The following FOXP2 variants were observed in gnomAD, a reference collection of about 807,000 sequenced individuals.
The protein encoded by FOXP2 is forkhead box P2.
Under a neutral mutation model 115.8 loss-of-function variants are expected in FOXP2, and 12 were observed. The observed-to-expected ratio is 0.10, with a 90% CI of 0.07 to 0.17. FOXP2 has a LOEUF of 0.17. FOXP2 is among the 10% of genes least tolerant of loss of function. FOXP2 has a pLI of 1.00. For missense variants in FOXP2, 629 were observed against 843.5 expected (o/e 0.75, Z 3.15); for synonymous variants, 328 against 297.7 (o/e 1.10, Z -1.05).
intron 1 of FOXP2, among the ~76,000 whole-genome samples, chr7:114,204,651 C>T (rs552305336): frequency 2.6e-5 from 4 of 152,144 alleles, no homozygotes; most frequent in East Asian, 3.8e-4. Context: ...TAAGGCATCA[C>T]GCACAATATT....
intron 1 of FOXP2, among the ~76,000 whole-genome samples, chr7:114,136,028 G>A (rs971135160): frequency 6.6e-6 from 1 of 151,986 alleles, no homozygotes; most frequent in Non-Finnish European, 1.5e-5. Flanking sequence ...GCCCAAACAA[G>A]ATACACCTAT....
At chr7:114,433,272 A>G (rs1453181976) in intron 2 of FOXP2, among the ~76,000 whole-genome samples, 1 of 151,994 alleles carries the variant, frequency 6.6e-6, no homozygotes, top group African/African-American at 2.4e-5. Flanking sequence ...AAATGTTTAC[A>G]TTGTTCTGGT....
intron 1 of FOXP2, among the ~76,000 whole-genome samples, chr7:114,194,704 G>A (rs530240795): frequency 3.3e-5 from 5 of 151,684 alleles, no homozygotes; most frequent in African/African-American, 4.8e-5. Context: ...CAGATACATA[G>A]CAAATTTAGT....
At chr7:114,118,239 A>G (rs1791462257) in intron 1 of FOXP2, among the ~76,000 whole-genome samples, 1 of 152,170 alleles carries the variant, frequency 6.6e-6, no homozygotes, top group Non-Finnish European at 1.5e-5. Flanking sequence ...CAGATTAGGA[A>G]TGAATTAATA....
intron 1 of FOXP2, among the ~76,000 whole-genome samples, chr7:114,418,759 A>G (rs990622484): frequency 1.3e-5 from 2 of 151,784 alleles, no homozygotes; most frequent in African/African-American, 4.8e-5. Flanking sequence ...TATATCTTTC[A>G]TGTTTAGTTA....
At chr7:114,414,523 G>C (rs1793252334), upstream of FOXP2, 1 of 153,104 alleles carries the variant, frequency 6.5e-6, no homozygotes, top group Non-Finnish European at 1.5e-5. Flanking sequence ...AGAAGCTGGA[G>C]AACTGTGATT....
At chr7:114,429,245 A>G (rs1434910563) in intron 2 of FOXP2, among the ~76,000 whole-genome samples, 1 of 151,492 alleles carries the variant, frequency 6.6e-6, no homozygotes, top group African/African-American at 2.4e-5. Context: ...TGTAACTAGC[A>G]TTTATTTCTA....
intron 1 of FOXP2, among the ~76,000 whole-genome samples, chr7:114,266,849 T>G (rs551180844): frequency 6.6e-6 from 1 of 152,240 alleles, no homozygotes. Context: ...CTTGTTCAGC[T>G]ATTAGTTCAT....
At chr7:114,192,173 G>GGCATGCACCACC (rs1213514297) in intron 1 of FOXP2, among the ~76,000 whole-genome samples, 18 of 41,836 alleles carry the variant, frequency 4.3e-4, no homozygotes, top group Non-Finnish European at 1.3e-3. Context: ...TTGTAGTAGA[G>GGCATGCACCACC]ACGGGGTTTC....
At chr7:114,248,796 G>A (rs939241487) in intron 1 of FOXP2, among the ~76,000 whole-genome samples, 1 of 152,050 alleles carries the variant, frequency 6.6e-6, no homozygotes, top group Non-Finnish European at 1.5e-5. Context: ...AACATTATAT[G>A]TTTTTACTGT....
chr7:114,134,817 T>C (rs2129146048), intron 1 of FOXP2, among the ~76,000 whole-genome samples: 1 of 152,332 alleles, frequency 6.6e-6, no homozygotes, highest in East Asian at 1.9e-4. Context: ...GAAAGTCTTA[T>C]ATCCAATACC....
chr7:114,139,631 CATT>C (rs1792148038), intron 1 of FOXP2, among the ~76,000 whole-genome samples: 1 of 152,070 alleles, frequency 6.6e-6, no homozygotes, highest in Non-Finnish European at 1.5e-5. Flanking sequence ...TCAGAATAAT[CATT>C]ATTTAACATC....
At chr7:114,185,069 T>G (rs1200429293) in intron 1 of FOXP2, among the ~76,000 whole-genome samples, 2 of 152,158 alleles carry the variant, frequency 1.3e-5, no homozygotes, top group East Asian at 1.9e-4. Context: ...AAAGAAACAT[T>G]TCAAGTCCTA....
At chr7:114,534,758 T>C (rs1269559070) in intron 3 of FOXP2, 52 bp downstream of exon 3, 3 of 1,411,926 alleles carry the variant, frequency 2.1e-6, no homozygotes, top group Admixed American at 1.7e-5. Flanking sequence ...ATGTTCATAA[T>C]GATAACAGAT....
chr7:114,363,859 C>G (rs1791812836), intron 2 of FOXP2, among the ~76,000 whole-genome samples: 1 of 152,170 alleles, frequency 6.6e-6, no homozygotes, highest in Admixed American at 6.5e-5. Context: ...GACAAGGGAG[C>G]AAACTTATCA....
At chr7:114,676,878 G>A (rs1461472401) in intron 16 of FOXP2, among the ~76,000 whole-genome samples, 4 of 152,070 alleles carry the variant, frequency 2.6e-5, no homozygotes, top group African/African-American at 9.7e-5. Flanking sequence ...GCTGGAAATT[G>A]CCCATATTGT....
At chr7:114,459,776 C>T (rs147646688) in intron 2 of FOXP2, among the ~76,000 whole-genome samples, 14 of 152,158 alleles carry the variant, frequency 9.2e-5, no homozygotes, top group Admixed American at 2.0e-4. Context: ...CCACCACGCC[C>T]GGCTACTTTT....
At chr7:114,311,799 C>A (rs1225601463) in intron 2 of FOXP2, among the ~76,000 whole-genome samples, 1 of 152,144 alleles carries the variant, frequency 6.6e-6, no homozygotes, top group East Asian at 1.9e-4. Context: ...CTCTACATTT[C>A]ACTTTTAATT....
intron 2 of FOXP2, among the ~76,000 whole-genome samples, chr7:114,399,423 T>C (rs935374127): frequency 4.6e-5 from 7 of 152,160 alleles, no homozygotes; most frequent in African/African-American, 1.7e-4. Flanking sequence ...TTATTTTTTC[T>C]TTTCAGTTTT....
Sources: gnomAD v4.1 joint callset for allele counts (sites outside exome capture counted in the v4.1 genomes callset) on GRCh38, gnomAD v4.1.1 for gene constraint, MANE v1.5 for transcripts, NCBI Gene and HGNC (gene_info 2026-07-23, HGNC 2026-07-21) for gene names.